SPATA31C1: variants seen among roughly 807,000 people sequenced by gnomAD.
The protein encoded by SPATA31C1 is spermatogenesis-associated protein 31C1.
At chr9:87,922,977 G>C (rs512327) in exon 5 of SPATA31C1, 336,484 of 1,199,366 alleles carry the variant, frequency 0.28, 110,152 homozygotes, top group East Asian at 0.77. Flanking sequence ...GCAATTTTTT[G>C]AGACGATTTT....
At chr9:87,921,625 C>T in exon 5 of SPATA31C1, 3 of 1,612,014 alleles carry the variant, frequency 1.9e-6, no homozygotes, top group Non-Finnish European at 2.5e-6. Flanking sequence ...TTAAGACGCA[C>T]AGAGAGGAAT....
intron 1 of SPATA31C1, among the ~76,000 whole-genome samples, chr9:87,916,794 A>G (rs371328794): frequency 0.022 from 1,803 of 80,266 alleles, 16 homozygotes; most frequent in African/African-American, 0.028. Flanking sequence ...TCAGGAGAAC[A>G]AGACCATCCT....
chr9:87,920,807 A>C, exon 5 of SPATA31C1: 1 of 1,613,782 alleles, frequency 6.2e-7, no homozygotes, highest in Non-Finnish European at 8.5e-7. Flanking sequence ...AGACTACCAA[A>C]ACCTGGTGCA....
rs1828781392 is a variant in SPATA31C1, at chr9:87,919,239, A to G, written n.523-52A>G. On this transcript the variant is annotated intron_variant and non_coding_transcript_variant, in intron 2 of 4. Transcript: ENST00000420021. ...GGAGAGCCGGTCCTAGCTCCTCGCCATTTCTTGTCTCCCAGCGTCATCTTG... is the reference window on the plus strand; with the variant it reads ...GGAGAGCCGGTCCTAGCTCCTCGCCGTTTCTTGTCTCCCAGCGTCATCTTG... 1.8e-6 allele frequency: 1 copy of G among 555,010 alleles called. No individual in the cohort carries two copies. The highest frequency in any genetic ancestry group is 3.9e-5 in the Admixed American group (1 of 25,828). 34.4% of individuals were successfully genotyped at this position (555,010 alleles called of 1,614,324 possible).
exon 3 of SPATA31C1, chr9:87,919,320 A>G (rs1381522711): frequency 6.5e-7 from 1 of 1,532,676 alleles, no homozygotes. Context: ...GGAGGCCCAG[A>G]GGCAGGATGA....
chr9:87,922,467 A>G (rs1828900330), exon 5 of SPATA31C1: 4 of 1,610,538 alleles, frequency 2.5e-6, no homozygotes, highest in Non-Finnish European at 3.4e-6. Context: ...AGACCCAAGA[A>G]AGCTGTGTCT....
At chr9:87,920,619 C>A (rs769044592) in exon 5 of SPATA31C1, 2 of 1,613,804 alleles carry the variant, frequency 1.2e-6, no homozygotes, top group East Asian at 4.5e-5. Context: ...AGGCTTCACT[C>A]CTCCTCCCCT....
chr9:87,921,424 A>G (rs1312140817), exon 5 of SPATA31C1: 1 of 1,611,684 alleles, frequency 6.2e-7, no homozygotes, highest in African/African-American at 1.3e-5. Context: ...GAAAGCAGCA[A>G]GGAGGCACAG....
chr9:87,922,221 G>A (rs567419322), exon 5 of SPATA31C1: 22 of 1,613,194 alleles, frequency 1.4e-5, no homozygotes, highest in Non-Finnish European at 1.8e-5. Context: ...TGGACAGGAG[G>A]GCAGGTGGCC....
rs577972773 is a variant in SPATA31C1 at position 87,921,328 on chromosome 9, A to G, written n.1718A>G. 181 of 1,612,006 alleles carry G rather than the reference A, an allele frequency of 1.1e-4. No homozygotes were observed. The African/African-American group carries it at 2.2e-3, about 20-fold the overall frequency. On this transcript the variant is annotated non_coding_transcript_exon_variant, in exon 5 of 5. Transcript: ENST00000420021. ...CGTGGAAGGATCCAAGAGTCTCTGG[A>G]TCTGATGCAGCTTCAGGATGAATTG...
At chr9:87,920,055 A>C in intron 4 of SPATA31C1, 79 bp downstream of exon 3, 5 of 1,608,562 alleles carry the variant, frequency 3.1e-6, no homozygotes, top group Non-Finnish European at 4.2e-6. Flanking sequence ...CCTGGAGCTG[A>C]CCTGGGATGG....
At chr9:87,922,028 T>A (rs1417120314) in exon 5 of SPATA31C1, 7 of 1,613,810 alleles carry the variant, frequency 4.3e-6, no homozygotes. Flanking sequence ...GCTCAAAAGT[T>A]GAGGTGGCCA....
exon 5 of SPATA31C1, chr9:87,921,047 C>G (rs1172231416): frequency 6.8e-6 from 11 of 1,611,598 alleles, no homozygotes; most frequent in Non-Finnish European, 9.3e-6. Context: ...CGATGAAGAA[C>G]ACTGGAGTAG....
At position 87,919,256 on chromosome 9, in the gene SPATA31C1, G is replaced by A. The variant is rs568790232; in HGVS notation, n.523-35G>A. 253 of 1,599,134 alleles carry A rather than the reference G, an allele frequency of 1.6e-4. 4 individuals are homozygous for A. The South Asian group carries it at 2.1e-3, about 13-fold the overall frequency. On this transcript the variant is annotated intron_variant and non_coding_transcript_variant, in intron 2 of 4. Coordinates refer to ENST00000420021, the Ensembl canonical transcript of SPATA31C1. ...TCCTCGCCATTTCTTGTCTCCCAGCGTCATCTTGTCTCCCAGCGTCATCTT... is the reference window on the plus strand; with the variant it reads ...TCCTCGCCATTTCTTGTCTCCCAGCATCATCTTGTCTCCCAGCGTCATCTT...
intron 4 of SPATA31C1, 120 bp downstream of exon 3, chr9:87,920,096 A>G: frequency 8.1e-6 from 13 of 1,606,682 alleles, no homozygotes; most frequent in Non-Finnish European, 1.1e-5. Flanking sequence ...ATGGGAGTAA[A>G]GCCCTGGGGC....
chr9:87,917,149 T>C lies in SPATA31C1; in HGVS notation n.190-698T>C, dbSNP rs1267991052. 1.5e-3 allele frequency among the ~76,000 whole-genome samples: 209 copies of C among 136,334 alleles called. 2 individuals are homozygous for C. The highest frequency in any genetic ancestry group is 3.8e-3 in the African/African-American group (142 of 37,568). The allele number at this position is 136,334 out of a possible 152,430, so 89.4% of individuals were successfully genotyped here. ...ATAGAAGGATGGGCGCAGTGGCTCA[T>C]GCCTGTAATCCCAGCACTTTGGGAG... On this transcript the variant is annotated intron_variant and non_coding_transcript_variant, in intron 1 of 4. Transcript: ENST00000420021.
intron 1 of SPATA31C1, among the ~76,000 whole-genome samples, chr9:87,917,095 G>T (rs536437475): frequency 7.2e-6 from 1 of 138,444 alleles, no homozygotes; most frequent in African/African-American, 2.6e-5. Context: ...TTAATTGTAT[G>T]TGGGTAGGTC....
chr9:87,920,764 A>G lies in SPATA31C1; in HGVS notation n.1154A>G, dbSNP rs368119608. ...GCCATCTCAGGCCTTGGCGGCTCAA[A>G]CAGTCAAGTTTCTGCCCTCTCCTGG... On this transcript the variant is annotated non_coding_transcript_exon_variant, in exon 5 of 5. Coordinates refer to ENST00000420021, the Ensembl canonical transcript of SPATA31C1. The G allele has an allele frequency of 6.8e-6, 11 of 1,613,920 alleles. 1 individual carries two copies. The African/African-American group carries it at 1.3e-4, about 20-fold the overall frequency.
At chr9:87,921,851 T>G in exon 5 of SPATA31C1, 1 of 1,612,050 alleles carries the variant, frequency 6.2e-7, no homozygotes, top group Non-Finnish European at 8.5e-7. Flanking sequence ...AGCTGTGTAC[T>G]CAGCAGGTGC....
Sources: allele counts gnomAD v4.1 joint callset (sites outside exome capture counted in the v4.1 genomes callset), GRCh38; gene constraint gnomAD v4.1.1; transcripts MANE v1.5; gene names NCBI Gene and HGNC (gene_info 2026-07-23, HGNC 2026-07-21).